The following CDH3 variants were observed in gnomAD, a reference collection of about 807,000 sequenced individuals.
The protein encoded by CDH3 is cadherin 3.
In CDH3, 54 loss-of-function variants were observed where a neutral mutation model predicts 82.0. The ratio of observed to expected loss-of-function variants is 0.66; its 90% CI spans 0.53 to 0.83. The LOEUF (loss-of-function observed/expected upper bound fraction) is 0.83, where lower values mean the gene tolerates loss of function less well. Among genes scored for constraint, CDH3 ranks in the 40% least tolerant of loss-of-function variants. The pLI is 0.00. For synonymous variants in CDH3, 446 were observed against 437.9 expected (o/e 1.02, Z -0.23); for missense variants, 1,054 against 1,084.6 (o/e 0.97, Z 0.40).
At chr16:68,690,355 C>T (rs1216401613) in intron 12 of CDH3, among the ~76,000 whole-genome samples, 1 of 152,214 alleles carries the variant, frequency 6.6e-6, no homozygotes, top group Non-Finnish European at 1.5e-5. Context: ...CATTGTGGCT[C>T]AGGCCTGTAA....
chr16:68,686,585 A>T, intron 11 of CDH3: 1 of 1,243,276 alleles, frequency 8.0e-7, no homozygotes, highest in Non-Finnish European at 1.2e-6. Context: ...AGTTGGAGAT[A>T]AAGTTCTTCT....
intron 2 of CDH3, chr16:68,651,749 T>A: frequency 2.3e-6 from 1 of 434,922 alleles, no homozygotes; most frequent in Non-Finnish European, 4.6e-6. Flanking sequence ...GGACTGAGCC[T>A]GGCTGCAGCT....
At chr16:68,664,182 T>TG (rs963691532) in intron 2 of CDH3, among the ~76,000 whole-genome samples, 119 of 152,158 alleles carry the variant, frequency 7.8e-4, no homozygotes, top group African/African-American at 2.7e-3. Context: ...TGCTATTCCC[T>TG]GGGGGAGAAT....
chr16:68,732,801 C>T, the CDH3 span, among the ~76,000 whole-genome samples: 1 of 152,230 alleles, frequency 6.6e-6, no homozygotes, highest in Admixed American at 6.5e-5. Context: ...CCCTGGACAG[C>T]ATTTACAACT....
intron 2 of CDH3, among the ~76,000 whole-genome samples, chr16:68,652,407 C>T (rs1357317836): frequency 6.6e-6 from 1 of 152,044 alleles, no homozygotes; most frequent in African/African-American, 2.4e-5. Flanking sequence ...CCCTGCTGCA[C>T]AAGGAAGGCA....
intron 8 of CDH3, among the ~76,000 whole-genome samples, chr16:68,681,876 G>A (rs955552976): frequency 2.0e-5 from 3 of 152,024 alleles, no homozygotes; most frequent in African/African-American, 7.2e-5. Flanking sequence ...TTTTTGTTCC[G>A]AGCAACTGAT....
chr16:68,687,724 G>A lies in CDH3; in HGVS notation c.1783G>A (p.Val595Ile). 6.2e-7 allele frequency: 1 copy of A among 1,613,714 alleles called. No individual in the cohort carries two copies. Among genetic ancestry groups the A allele is most frequent in the Non-Finnish European group, 8.5e-7 (1 of 1,179,764 alleles). The change falls in exon 12 of 16, where the codon GTC becomes ATC. Residue 595 changes from valine to isoleucine, a missense_variant. Physicochemically the swap from Val to Ile is conservative, Grantham distance 29. Coordinates refer to ENST00000264012, the MANE Select transcript of CDH3 (RefSeq NM_001793.6). ...DDSDIYWTAE[V>I]NEEGDTVVLS... is the part of the protein sequence containing the mutation. The stretch of plus-strand genomic sequence containing the variant: ...CTCAGACATCTACTGGACGGCAGAG[G>A]TCAACGAGGAAGGTACCTGAGTGAG...
intron 2 of CDH3, among the ~76,000 whole-genome samples, chr16:68,673,397 A>G (rs774988157): frequency 1.3e-5 from 2 of 151,744 alleles, no homozygotes; most frequent in East Asian, 1.9e-4. Flanking sequence ...ATCATCCCCA[A>G]CAGAAACTCT....
intron 11 of CDH3, among the ~76,000 whole-genome samples, chr16:68,687,146 C>T (rs989522657): frequency 2.0e-5 from 3 of 152,154 alleles, no homozygotes; most frequent in African/African-American, 2.4e-5. Flanking sequence ...GTAGTTGTCA[C>T]CTCTGGTTGA....
intron 1 of CDH3, among the ~76,000 whole-genome samples, chr16:68,716,620 C>CA (rs563385107): frequency 0.86 from 88,215 of 103,098 alleles, 37,734 homozygotes; most frequent in East Asian, 0.95. Flanking sequence ...GACTCCGGCT[C>CA]AAAAAAAAAA....
At chr16:68,688,899 C>T (rs1465356954) in intron 12 of CDH3, among the ~76,000 whole-genome samples, 3 of 152,150 alleles carry the variant, frequency 2.0e-5, no homozygotes, top group Non-Finnish European at 4.4e-5. Flanking sequence ...AGATTACAAG[C>T]ATGAGCCACC....
intron 11 of CDH3, 57 bp downstream of exon 11, chr16:68,685,407 G>T: frequency 6.4e-7 from 1 of 1,567,848 alleles, no homozygotes; most frequent in South Asian, 1.1e-5. Context: ...CAGGTCACAT[G>T]ACACAGCACA....
intron 1 of CDH3, among the ~76,000 whole-genome samples, chr16:68,717,970 T>C (rs1239598282): frequency 6.6e-6 from 1 of 152,036 alleles, no homozygotes; most frequent in African/African-American, 2.4e-5. Context: ...ACTTTTTCTT[T>C]TTCCTTTTCT....
intron 13 of CDH3, among the ~76,000 whole-genome samples, chr16:68,694,485 G>C (rs1343716154): frequency 1.3e-5 from 2 of 150,902 alleles, no homozygotes; most frequent in Admixed American, 6.6e-5. Context: ...AGCCAGGCTT[G>C]GTGGCAGGCA....
chr16:68,685,403 A>C, intron 11 of CDH3, 53 bp downstream of exon 11: 3 of 1,582,268 alleles, frequency 1.9e-6, no homozygotes, highest in Non-Finnish European at 2.6e-6. Context: ...TTCTCAGGTC[A>C]CATGACACAG....
chr16:68,716,299 A>G (rs1962094366), intron 1 of CDH3, among the ~76,000 whole-genome samples: 2 of 151,844 alleles, frequency 1.3e-5, no homozygotes, highest in African/African-American at 4.8e-5. Context: ...AGGCATTCAA[A>G]TCGTGGAAAA....
intron 2 of CDH3, among the ~76,000 whole-genome samples, chr16:68,654,475 G>T (rs1960353032): frequency 7.5e-6 from 1 of 133,020 alleles, no homozygotes; most frequent in Non-Finnish European, 1.6e-5. Context: ...GGCCGAGGCA[G>T]GCGGATCACC....
chr16:68,690,253 C>T (rs1437351923), intron 12 of CDH3, among the ~76,000 whole-genome samples: 1 of 152,206 alleles, frequency 6.6e-6, no homozygotes, highest in Non-Finnish European at 1.5e-5. Flanking sequence ...TGTGATAACA[C>T]AGGTTAGCAT....
At position 68,685,191 on chromosome 16, in the gene CDH3, C is replaced by T. The variant is rs1961370335; in HGVS notation, c.1425-14C>T. Reference sequence around the variant, plus strand: ...AATATTCTGGATGTACTCGTCTCAACTTTTCCTCTCCAGCTACCGCATCCT... The same window carrying T: ...AATATTCTGGATGTACTCGTCTCAATTTTTCCTCTCCAGCTACCGCATCCT... On this transcript the variant is annotated splice_polypyrimidine_tract_variant and intron_variant, in intron 10 of 15. Coordinates refer to ENST00000264012, the MANE Select transcript of CDH3 (RefSeq NM_001793.6). The T allele has an allele frequency of 6.2e-7, 1 of 1,613,778 alleles. No individual in the cohort carries two copies. The highest frequency in any genetic ancestry group is 1.3e-5 in the African/African-American group (1 of 74,936).
Sources: gnomAD v4.1 joint callset for allele counts (sites outside exome capture counted in the v4.1 genomes callset) on GRCh38, gnomAD v4.1.1 for gene constraint, MANE v1.5 for transcripts, NCBI Gene and HGNC (gene_info 2026-07-23, HGNC 2026-07-21) for gene names.